RBFOX1: variants seen among roughly 807,000 people sequenced by gnomAD.
RBFOX1 encodes the protein RNA binding protein fox-1 homolog 1.
Under a neutral mutation model 57.7 loss-of-function variants are expected in RBFOX1, and 8 were observed. That is an observed-to-expected ratio of 0.14 (90% CI 0.08 to 0.25). The LOEUF is 0.25. Among genes scored for constraint, RBFOX1 ranks in the 10% least tolerant of loss-of-function variants. The probability of loss-of-function intolerance (pLI) is 1.00; values close to 1 mark genes in which losing one functional copy is unlikely to be tolerated. For missense variants in RBFOX1, 611 were observed against 548.5 expected, an observed-to-expected ratio of 1.11 and a Z score of -1.14; for synonymous variants, 326 against 222.4, an observed-to-expected ratio of 1.47 and a Z score of -4.15.
intron 3 of RBFOX1, among the ~76,000 whole-genome samples, chr16:6,754,952 G>A (rs1450580854): frequency 2.6e-5 from 4 of 152,122 alleles, no homozygotes; most frequent in Admixed American, 1.3e-4. Flanking sequence ...AGAATATGCG[G>A]TGTTTGGTTT....
chr16:6,129,500 A>G (rs1430733654), intron 1 of RBFOX1, among the ~76,000 whole-genome samples: 1 of 152,200 alleles, frequency 6.6e-6, no homozygotes, highest in African/African-American at 2.4e-5. Context: ...CAAAGGTAGT[A>G]AAATAAACAG....
At chr16:7,391,787 G>A (rs2098029319) in intron 4 of RBFOX1, among the ~76,000 whole-genome samples, 1 of 152,132 alleles carries the variant, frequency 6.6e-6, no homozygotes, top group Non-Finnish European at 1.5e-5. Context: ...TGACTAAAAG[G>A]AAGAGTGAGT....
chr16:5,768,309 G>A (rs1003172502), intron 3 of RBFOX1, among the ~76,000 whole-genome samples: 9 of 152,164 alleles, frequency 5.9e-5, no homozygotes, highest in Non-Finnish European at 1.3e-4. Context: ...AATGGGGGCC[G>A]CTAAGATAAC....
rs74004692 is a variant in RBFOX1 at position 5,902,316 on chromosome 16, A to C, written c.351+34981A>C. Reference sequence around the variant, plus strand: ...TGACAAATAATAGAGCTAGAATTTGAACCCAAATTTGGGTGAGTCTCATCC... The same window carrying C: ...TGACAAATAATAGAGCTAGAATTTGCACCCAAATTTGGGTGAGTCTCATCC... On this transcript the variant is annotated intron_variant, in intron 4 of 19. Transcript: ENST00000641259. 5.5e-3 allele frequency among the ~76,000 whole-genome samples: 837 copies of C among 152,314 alleles called. 7 individuals are homozygous for C. Among genetic ancestry groups the C allele is most frequent in the African/African-American group, 0.019 (771 of 41,568 alleles).
At chr16:7,699,049 G>GT (rs2079757814) in intron 14 of RBFOX1, among the ~76,000 whole-genome samples, 1 of 152,180 alleles carries the variant, frequency 6.6e-6, no homozygotes, top group Non-Finnish European at 1.5e-5. Context: ...TGCAGAGCCT[G>GT]TTTTGTCGCC....
chr16:5,451,407 A>G (rs1376312446), intron 1 of RBFOX1, among the ~76,000 whole-genome samples: 2 of 152,200 alleles, frequency 1.3e-5, no homozygotes, highest in Non-Finnish European at 2.9e-5. Flanking sequence ...AGTCAGATTT[A>G]TATGAGAATT....
At chr16:5,273,385 A>G (rs1292485971) in intron 1 of RBFOX1, among the ~76,000 whole-genome samples, 1 of 152,192 alleles carries the variant, frequency 6.6e-6, no homozygotes, top group East Asian at 1.9e-4. Flanking sequence ...TAATATAATG[A>G]TGAACAAGAT....
At chr16:6,588,451 G>A (rs776238458) in intron 2 of RBFOX1, among the ~76,000 whole-genome samples, 16 of 151,940 alleles carry the variant, frequency 1.1e-4, no homozygotes, top group Non-Finnish European at 1.9e-4. Context: ...TCAGGAGTTC[G>A]GGACCAGCCT....
intron 4 of RBFOX1, among the ~76,000 whole-genome samples, chr16:7,164,047 G>T (rs570346665): frequency 1.3e-5 from 2 of 152,242 alleles, no homozygotes; most frequent in African/African-American, 4.8e-5. Context: ...TGATTTCTGA[G>T]ATTTTGGTGC....
intron 3 of RBFOX1, among the ~76,000 whole-genome samples, chr16:6,840,643 C>A (rs1361132598): frequency 1.3e-5 from 2 of 152,024 alleles, no homozygotes; most frequent in Non-Finnish European, 2.9e-5. Context: ...AACCCCAGCA[C>A]TTTGGGAGGC....
At chr16:7,644,199 C>G (rs1000936269) in intron 11 of RBFOX1, among the ~76,000 whole-genome samples, 1 of 152,074 alleles carries the variant, frequency 6.6e-6, no homozygotes, top group African/African-American at 2.4e-5. Context: ...GGGTGAGTAT[C>G]TGAGCCACTC....
Position 6,874,019 on chromosome 16 carries a change from A to G in RBFOX1, c.-15-178038A>G, listed in dbSNP as rs144722411. ...TTTCATATTTTTAGTAAAAGTAGAAATACCTGTTGATCCATTATCTACCAA... is the reference window on the plus strand; with the variant it reads ...TTTCATATTTTTAGTAAAAGTAGAAGTACCTGTTGATCCATTATCTACCAA... On this transcript the variant is annotated intron_variant, in intron 3 of 15. Transcript: ENST00000550418. The G allele has an allele frequency of 5.9e-5, 9 of 152,334 alleles. No individual in the cohort carries two copies. In the East Asian group the frequency reaches 1.7e-3, roughly 29 times the overall value. The allele number at this position is 152,334 out of a possible 1,614,324, so 9.4% of individuals were successfully genotyped here.
At chr16:6,217,297 C>T (rs190286182) in intron 1 of RBFOX1, among the ~76,000 whole-genome samples, 68 of 149,582 alleles carry the variant, frequency 4.5e-4, no homozygotes, top group African/African-American at 1.6e-3. Context: ...TGAATACTAC[C>T]GTATTTCCTT....
intron 3 of RBFOX1, among the ~76,000 whole-genome samples, chr16:7,002,580 C>T (rs2092921305): frequency 6.6e-6 from 1 of 151,996 alleles, no homozygotes. Flanking sequence ...GGCGTGGTGG[C>T]ATGCACATGT....
At chr16:6,852,594 G>T (rs961005323) in intron 3 of RBFOX1, among the ~76,000 whole-genome samples, 4 of 152,186 alleles carry the variant, frequency 2.6e-5, no homozygotes, top group African/African-American at 7.2e-5. Flanking sequence ...TTGGAAACTA[G>T]CTGTCCAGAT....
In RBFOX1 at chr16:5,281,558, A is replaced by T. The variant is rs551911633; in HGVS notation, c.219+41453A>T. 2.6e-5 allele frequency among the ~76,000 whole-genome samples: 4 copies of T among 152,270 alleles called. No individual in the cohort carries two copies. The South Asian group carries it at 8.3e-4, about 32-fold the overall frequency. Reference sequence around the variant, plus strand: ...CTCAACTATCATTATATTGGTCTCTATCTCTCCGTCTAGATTTCATAATAT... The same window carrying T: ...CTCAACTATCATTATATTGGTCTCTTTCTCTCCGTCTAGATTTCATAATAT... On this transcript the variant is annotated intron_variant, in intron 1 of 2. Coordinates refer to the RBFOX1 transcript ENST00000585867.
At chr16:5,998,049 A>T (rs1232583647) in intron 4 of RBFOX1, among the ~76,000 whole-genome samples, 1 of 152,188 alleles carries the variant, frequency 6.6e-6, no homozygotes, top group Admixed American at 6.5e-5. Context: ...GTCATTGTTA[A>T]TGTGCCTGTG....
At chr16:7,531,595 C>G (rs1242630521) in intron 5 of RBFOX1, among the ~76,000 whole-genome samples, 1 of 152,146 alleles carries the variant, frequency 6.6e-6, no homozygotes, top group Admixed American at 6.5e-5. Flanking sequence ...ATGAGCCATG[C>G]ACTATGTTGT....
chr16:5,497,235 C>G (rs1296991202), intron 2 of RBFOX1, among the ~76,000 whole-genome samples: 1 of 151,702 alleles, frequency 6.6e-6, no homozygotes, highest in East Asian at 1.9e-4. Flanking sequence ...CTATTATTAT[C>G]TTTGAAATCC....
Sources: gnomAD v4.1 joint callset for allele counts (sites outside exome capture counted in the v4.1 genomes callset) on GRCh38, gnomAD v4.1.1 for gene constraint, MANE v1.5 for transcripts, NCBI Gene and HGNC (gene_info 2026-07-23, HGNC 2026-07-21) for gene names.